The following GRIK4 variants were observed in gnomAD, a reference collection of about 807,000 sequenced individuals.
GRIK4 encodes the protein glutamate receptor ionotropic, kainate 4.
In GRIK4, 40 loss-of-function variants were observed where a neutral mutation model predicts 104.9. The observed-to-expected ratio is 0.38, with a 90% confidence interval of 0.30 to 0.50. The LOEUF (loss-of-function observed/expected upper bound fraction) is 0.50, where lower values mean the gene tolerates loss of function less well. Among genes scored for constraint, GRIK4 ranks in the 20% least tolerant of loss-of-function variants. The pLI is 0.93. For synonymous variants in GRIK4, 485 were observed against 524.9 expected, an observed-to-expected ratio of 0.92 and a Z score of 1.04; for missense variants, 1,047 against 1,308.1, an observed-to-expected ratio of 0.80 and a Z score of 3.08.
intron 12 of GRIK4, among the ~76,000 whole-genome samples, chr11:120,904,652 C>G (rs1376788292): frequency 6.6e-6 from 1 of 152,232 alleles, no homozygotes; most frequent in Non-Finnish European, 1.5e-5. Flanking sequence ...TGCTCACAAC[C>G]TGTGCTCCGG....
intron 19 of GRIK4, among the ~76,000 whole-genome samples, chr11:120,977,499 G>A (rs937746176): frequency 2.6e-5 from 4 of 152,248 alleles, no homozygotes; most frequent in African/African-American, 7.2e-5. Flanking sequence ...TGCGCTCTCC[G>A]AACTCTCCCT....
At chr11:120,841,075 CT>C (rs1349079842) in intron 8 of GRIK4, among the ~76,000 whole-genome samples, 1 of 151,916 alleles carries the variant, frequency 6.6e-6, no homozygotes, top group African/African-American at 2.4e-5. Context: ...AATTGCATTT[CT>C]TTTTTTTAAG....
At chr11:120,519,486 A>T (rs541782834) in intron 1 of GRIK4, among the ~76,000 whole-genome samples, 37 of 152,350 alleles carry the variant, frequency 2.4e-4, no homozygotes, top group Admixed American at 7.2e-4. Context: ...CCCTCACCCG[A>T]CACTGAATCT....
At chr11:120,732,141 GT>G (rs958362755) in intron 3 of GRIK4, among the ~76,000 whole-genome samples, 3 of 151,038 alleles carry the variant, frequency 2.0e-5, no homozygotes, top group Non-Finnish European at 4.4e-5. Flanking sequence ...TTTGTTTTTT[GT>G]TTTTTTTCTG....
chr11:120,629,554 C>T (rs544509433), intron 1 of GRIK4, among the ~76,000 whole-genome samples: 173 of 152,196 alleles, frequency 1.1e-3, no homozygotes, highest in African/African-American at 3.8e-3. Context: ...TGAATCTCTC[C>T]TCTGGGCCAC....
At chr11:120,791,928 T>C (rs566407084) in intron 3 of GRIK4, among the ~76,000 whole-genome samples, 1 of 152,296 alleles carries the variant, frequency 6.6e-6, no homozygotes, top group African/African-American at 2.4e-5. Context: ...GAAGTTGGCA[T>C]AGAATCCCTC....
chr11:120,846,022 C>T (rs1022712185), intron 8 of GRIK4, among the ~76,000 whole-genome samples: 1 of 152,142 alleles, frequency 6.6e-6, no homozygotes, highest in Non-Finnish European at 1.5e-5. Context: ...TGCTATTGAT[C>T]CAAACCTGTG....
At chr11:120,919,720 A>G (rs574869720) in intron 13 of GRIK4, among the ~76,000 whole-genome samples, 24 of 152,240 alleles carry the variant, frequency 1.6e-4, no homozygotes, top group African/African-American at 5.8e-4. Context: ...GGCTTTAATG[A>G]TGGTAGGGGC....
intron 11 of GRIK4, among the ~76,000 whole-genome samples, chr11:120,892,828 C>G (rs1374420278): frequency 6.6e-6 from 1 of 152,186 alleles, no homozygotes; most frequent in Non-Finnish European, 1.5e-5. Flanking sequence ...GTGGCCCTAT[C>G]AGCCCCCTTG....
intron 14 of GRIK4, among the ~76,000 whole-genome samples, chr11:120,946,551 A>G (rs1458061323): frequency 1.3e-5 from 2 of 152,234 alleles, no homozygotes; most frequent in Non-Finnish European, 1.5e-5. Flanking sequence ...CAGTATTGAC[A>G]TCTTCAAGGA....
At chr11:120,851,434 G>A (rs748867284) in intron 8 of GRIK4, among the ~76,000 whole-genome samples, 23 of 152,160 alleles carry the variant, frequency 1.5e-4, no homozygotes, top group Non-Finnish European at 1.9e-4. Flanking sequence ...AGGAATATCA[G>A]CAGCAATTCT....
chr11:120,893,230 CAGG>C (rs912506671), intron 11 of GRIK4, among the ~76,000 whole-genome samples: 1 of 152,186 alleles, frequency 6.6e-6, no homozygotes, highest in African/African-American at 2.4e-5. Flanking sequence ...TTTAATGCCT[CAGG>C]AGCAAGATCA....
chr11:120,610,912 A>C (rs950070081), intron 1 of GRIK4, among the ~76,000 whole-genome samples: 2 of 152,158 alleles, frequency 1.3e-5, no homozygotes, highest in East Asian at 3.9e-4. Context: ...CAGGTTCTGT[A>C]TTGGTGCTCA....
chr11:120,808,531 G>A (rs1316150396), intron 4 of GRIK4, among the ~76,000 whole-genome samples: 2 of 152,200 alleles, frequency 1.3e-5, no homozygotes, highest in Admixed American at 6.5e-5. Context: ...AGAGGCGATG[G>A]CGGTCTTGAG....
intron 3 of GRIK4, among the ~76,000 whole-genome samples, chr11:120,758,990 CATA>C (rs1057386125): frequency 1.3e-5 from 2 of 152,122 alleles, no homozygotes; most frequent in Non-Finnish European, 2.9e-5. Flanking sequence ...GGGATAAACA[CATA>C]ATAATAGATA....
At chr11:120,547,087 C>T (rs900932568) in intron 1 of GRIK4, among the ~76,000 whole-genome samples, 6 of 152,220 alleles carry the variant, frequency 3.9e-5, no homozygotes, top group African/African-American at 1.4e-4. Flanking sequence ...TCTTGTGTGC[C>T]TCAGTTCCTT....
chr11:120,628,220 TCCCTGTCACCTGG>T (rs139230473), intron 1 of GRIK4, among the ~76,000 whole-genome samples: 3,260 of 152,232 alleles, frequency 0.021, 236 homozygotes, highest in East Asian at 0.2. Flanking sequence ...GTGCACTCTG[TCCCTGTCACCTGG>T]CCCTTCATCT....
intron 14 of GRIK4, among the ~76,000 whole-genome samples, chr11:120,942,829 G>A (rs1216511295): frequency 6.6e-6 from 1 of 152,152 alleles, no homozygotes; most frequent in African/African-American, 2.4e-5. Flanking sequence ...TGCTGTGAAG[G>A]TATTTGTAGA....
At chr11:120,629,049 A>G (rs2135179187) in intron 1 of GRIK4, among the ~76,000 whole-genome samples, 1 of 152,110 alleles carries the variant, frequency 6.6e-6, no homozygotes, top group Admixed American at 6.5e-5. Flanking sequence ...CCGCTGATGG[A>G]GCGGCACAGC....
Sources: allele counts gnomAD v4.1 joint callset (sites outside exome capture counted in the v4.1 genomes callset), GRCh38; gene constraint gnomAD v4.1.1; transcripts MANE v1.5; gene names NCBI Gene and HGNC (gene_info 2026-07-23, HGNC 2026-07-21).